DTNA: variants seen among roughly 807,000 people sequenced by gnomAD.
The protein encoded by DTNA is dystrobrevin alpha.
DTNA carries 43 observed loss-of-function variants against 100.7 expected under a neutral mutation model. That is an observed-to-expected ratio of 0.43 (90% CI 0.33 to 0.55). The LOEUF (loss-of-function observed/expected upper bound fraction) is 0.55. DTNA is among the 20% of genes least tolerant of loss of function. The pLI is 0.04. For synonymous variants in DTNA, 349 were observed against 347.9 expected, an observed-to-expected ratio of 1.00 and a Z score of -0.04; for missense variants, 798 against 953.9, an observed-to-expected ratio of 0.84 and a Z score of 2.15.
Position 34,587,462 on chromosome 18 carries a change from A to G in DTNA, c.-2+93948A>G, listed in dbSNP as rs112083580. 2.6e-3 allele frequency among the ~76,000 whole-genome samples: 388 copies of G among 152,146 alleles called. 4 individuals carry two copies. The highest frequency in any genetic ancestry group is 8.7e-3 in the African/African-American group (360 of 41,498). On this transcript the variant is annotated intron_variant, in intron 1 of 19. Transcript: ENST00000283365. The stretch of plus-strand genomic sequence containing the variant: ...TTCTTTGTGCTTCCATTATTTCTCA[A>G]TATAAAATAATTAAAATCTGCTTTG...
intron 1 of DTNA, among the ~76,000 whole-genome samples, chr18:34,626,554 A>G (rs2057346799): frequency 6.6e-6 from 1 of 152,190 alleles, no homozygotes; most frequent in Non-Finnish European, 1.5e-5. Context: ...TTACACCTTT[A>G]ATACCTGAGA....
intron 1 of DTNA, among the ~76,000 whole-genome samples, chr18:34,511,703 AG>A (rs2041110304): frequency 6.6e-6 from 1 of 152,106 alleles, no homozygotes; most frequent in Non-Finnish European, 1.5e-5. Flanking sequence ...TAACCTCTCC[AG>A]AACTGTGATT....
At chr18:34,870,033 A>AG (rs895252419) in intron 17 of DTNA, among the ~76,000 whole-genome samples, 3 of 152,168 alleles carry the variant, frequency 2.0e-5, no homozygotes, top group Admixed American at 6.5e-5. Context: ...CTCAAAAAAA[A>AG]GGGGGTAAAA....
chr18:34,585,024 T>G (rs28445510), intron 1 of DTNA, among the ~76,000 whole-genome samples: 15,667 of 152,110 alleles, frequency 0.1, 1,172 homozygotes, highest in African/African-American at 0.21. Context: ...ATTAATGTAA[T>G]AAGAGAATAA....
At chr18:34,873,219 C>T (rs1294937509) in intron 17 of DTNA, among the ~76,000 whole-genome samples, 3 of 152,212 alleles carry the variant, frequency 2.0e-5, no homozygotes, top group Non-Finnish European at 4.4e-5. Flanking sequence ...TTATTGTGAA[C>T]TTCTCACCAT....
intron 2 of DTNA, among the ~76,000 whole-genome samples, chr18:34,761,479 G>C (rs765795027): frequency 6.6e-6 from 1 of 152,212 alleles, no homozygotes; most frequent in South Asian, 2.1e-4. Flanking sequence ...GTAGGGAAAA[G>C]GTGGAAGGAA....
At chr18:34,516,359 G>A (rs1021998045) in intron 1 of DTNA, among the ~76,000 whole-genome samples, 1 of 152,062 alleles carries the variant, frequency 6.6e-6, no homozygotes, top group African/African-American at 2.4e-5. Flanking sequence ...CAAGATCACA[G>A]GACCAGGGCG....
At chr18:34,598,550 G>T (rs1431943534) in intron 1 of DTNA, among the ~76,000 whole-genome samples, 1 of 152,154 alleles carries the variant, frequency 6.6e-6, no homozygotes, top group Non-Finnish European at 1.5e-5. Context: ...GTGAAAGCTT[G>T]TGGAAAACTT....
intron 1 of DTNA, among the ~76,000 whole-genome samples, chr18:34,694,340 T>C (rs773876205): frequency 6.6e-6 from 1 of 152,186 alleles, no homozygotes; most frequent in Non-Finnish European, 1.5e-5. Flanking sequence ...TTTACAAAAG[T>C]TAGTAATAAT....
chr18:34,546,031 C>T (rs2044742502), intron 1 of DTNA, among the ~76,000 whole-genome samples: 1 of 152,038 alleles, frequency 6.6e-6, no homozygotes, highest in African/African-American at 2.4e-5. Context: ...CTCATATAAT[C>T]ATACTGTGGG....
intron 1 of DTNA, among the ~76,000 whole-genome samples, chr18:34,498,575 G>A (rs2144517226): frequency 6.6e-6 from 1 of 151,710 alleles, no homozygotes; most frequent in East Asian, 1.9e-4. Flanking sequence ...GTTGTATTTA[G>A]TCAAGGAATA....
intron 1 of DTNA, among the ~76,000 whole-genome samples, chr18:34,502,202 G>A (rs1416083185): frequency 1.3e-5 from 2 of 152,068 alleles, no homozygotes; most frequent in African/African-American, 4.8e-5. Context: ...ATGTCTGCAT[G>A]GTCTTTAGTG....
chr18:34,677,133 T>C (rs978732538), intron 1 of DTNA, among the ~76,000 whole-genome samples: 2 of 152,094 alleles, frequency 1.3e-5, no homozygotes, highest in African/African-American at 2.4e-5. Context: ...ATCTGTGATA[T>C]ATGGGGTGAA....
intron 1 of DTNA, among the ~76,000 whole-genome samples, chr18:34,675,405 A>G (rs1293743238): frequency 6.6e-6 from 1 of 152,158 alleles, no homozygotes; most frequent in Non-Finnish European, 1.5e-5. Context: ...TTCTTGAATA[A>G]TAATGAAAGT....
intron 11 of DTNA, among the ~76,000 whole-genome samples, chr18:34,833,030 A>G (rs2096054956): frequency 6.6e-6 from 1 of 152,176 alleles, no homozygotes; most frequent in Non-Finnish European, 1.5e-5. Context: ...TTAATTTGCT[A>G]TATTTCAAAT....
chr18:34,566,171 A>T (rs1443271727), intron 1 of DTNA, among the ~76,000 whole-genome samples: 1 of 152,178 alleles, frequency 6.6e-6, no homozygotes, highest in Non-Finnish European at 1.5e-5. Flanking sequence ...TGACCAAGTA[A>T]TGTCCATCCT....
chr18:34,643,085 C>T lies in DTNA; in HGVS notation c.-1-112891C>T, dbSNP rs148253749. Among the ~76,000 whole-genome samples, 348 of 152,310 alleles carry T rather than the reference C, an allele frequency of 2.3e-3. 1 individual carries two copies. The highest frequency in any genetic ancestry group is 3.9e-3 in the Non-Finnish European group (264 of 68,040). On this transcript the variant is annotated intron_variant, in intron 1 of 19. Transcript: ENST00000283365. The stretch of plus-strand genomic sequence containing the variant: ...AAACAAACAAAAAAAAGGAATTTGA[C>T]GACTATTTCTGGTAACATTCTGGAG...
chr18:34,500,865 T>C (rs2039841990), intron 1 of DTNA, among the ~76,000 whole-genome samples: 1 of 152,210 alleles, frequency 6.6e-6, no homozygotes. Flanking sequence ...TCATGCTAAC[T>C]AACAGATTAG....
intron 1 of DTNA, among the ~76,000 whole-genome samples, chr18:34,533,125 CT>C (rs2043312938): frequency 6.6e-6 from 1 of 151,926 alleles, no homozygotes; most frequent in African/African-American, 2.4e-5. Flanking sequence ...AATCTCAGCA[CT>C]TTGGGAGGCT....
Sources: gnomAD v4.1 joint callset for allele counts (sites outside exome capture counted in the v4.1 genomes callset) on GRCh38, gnomAD v4.1.1 for gene constraint, MANE v1.5 for transcripts, NCBI Gene and HGNC (gene_info 2026-07-23, HGNC 2026-07-21) for gene names.